CDC16: variants seen among roughly 807,000 people sequenced by gnomAD.
The protein encoded by CDC16 is cell division cycle 16.
Under a neutral mutation model 87.0 loss-of-function variants are expected in CDC16, and 34 were observed. The observed-to-expected ratio is 0.39, with a 90% CI of 0.30 to 0.52. The LOEUF (loss-of-function observed/expected upper bound fraction) is 0.52. Among genes scored for constraint, CDC16 ranks in the 20% least tolerant of loss-of-function variants. The probability of loss-of-function intolerance (pLI) is 0.74; values close to 1 mark genes in which losing one functional copy is unlikely to be tolerated. For synonymous variants in CDC16, 263 were observed against 260.6 expected (o/e 1.01, Z -0.09); for missense variants, 653 against 751.9 (o/e 0.87, Z 1.54).
Position 114,242,069 on chromosome 13 carries a change from A to C in CDC16, c.382-52A>C, listed in dbSNP as rs374744568. 1.6e-4 allele frequency: 254 copies of C among 1,544,168 alleles called. 1 individual carries two copies. In the African/African-American group the frequency reaches 2.9e-3, roughly 18 times the overall value. ...TCTGCCTCTAAGGAGAAAAAAAAAA[A>C]GTTAAGTTTAAAAGTACTGACTTAA... On this transcript the variant is annotated intron_variant, in intron 5 of 17. Coordinates refer to ENST00000356221, the MANE Select transcript of CDC16 (RefSeq NM_001078645.3).
At position 114,246,024 on chromosome 13, in the gene CDC16, TG is replaced by T; in HGVS notation, c.874del (p.Val292TrpfsTer47). On this transcript the variant is annotated frameshift_variant, in exon 10 of 18. Transcript: ENST00000356221. LOFTEE classifies it high-confidence loss of function. ...GAACTTTTCTATCTTTCTCATAAAC[TG>T]GTGGATTTATATCCTAGTAATCCTG... The part of the protein sequence containing the change: ...ANELFYLSHK[L>X]VDLYPSNPVS... 1 of 1,504,918 alleles carries T rather than the reference TG, an allele frequency of 6.6e-7. No individual in the cohort carries two copies. The highest frequency in any genetic ancestry group is 9.1e-7 in the Non-Finnish European group (1 of 1,095,212). The allele number at this position is 1,504,918 out of a possible 1,614,324, so 93.2% of individuals were successfully genotyped here.
chr13:114,251,770 TGAG>T (rs2082192488), intron 12 of CDC16, among the ~76,000 whole-genome samples: 1 of 152,230 alleles, frequency 6.6e-6, no homozygotes, highest in Non-Finnish European at 1.5e-5. Flanking sequence ...CAGTTCCTAT[TGAG>T]GAGTCTCTTC....
intron 9 of CDC16, 83 bp from the exon 10 acceptor site, chr13:114,245,917 G>T: frequency 4.1e-6 from 3 of 738,214 alleles, no homozygotes; most frequent in South Asian, 3.3e-5. Context: ...AGAATTATAT[G>T]ATTGTGAAGA....
At chr13:114,235,165 G>C in intron 1 of CDC16, 33 bp downstream of exon 1, 1 of 1,230,604 alleles carries the variant, frequency 8.1e-7, no homozygotes, top group Non-Finnish European at 1.0e-6. Flanking sequence ...GCGGGGCCCA[G>C]GCCTCGCCGG....
At chr13:114,259,734 TC>T (rs1438778007) in intron 14 of CDC16, among the ~76,000 whole-genome samples, 1 of 152,204 alleles carries the variant, frequency 6.6e-6, no homozygotes, top group African/African-American at 2.4e-5. Flanking sequence ...GATGTAATAT[TC>T]CTCTAGAACT....
Position 114,239,410 on chromosome 13 carries a change from A to G in CDC16, c.301A>G (p.Lys101Glu). The G allele has an allele frequency of 6.2e-7, 1 of 1,613,488 alleles. No individual in the cohort carries two copies. Among genetic ancestry groups the G allele is most frequent in the South Asian group, 1.1e-5 (1 of 91,022 alleles). ...TCTTGACATGGAAGAGCCCATCAAT[A>G]AAAGATTATTTGAAAAATACTTGAA... ...DVLDMEEPIN[K>E]RLFEKYLKDE... The change falls in exon 5 of 18, where the codon AAA becomes GAA. Residue 101 changes from lysine (K) to glutamate (E), a missense_variant. Coordinates refer to ENST00000356221, the MANE Select transcript of CDC16 (RefSeq NM_001078645.3).
chr13:114,248,939 A>C (rs1594595277), intron 11 of CDC16, among the ~76,000 whole-genome samples: 1 of 151,954 alleles, frequency 6.6e-6, no homozygotes, highest in East Asian at 1.9e-4. Flanking sequence ...CATTTTTGGC[A>C]CCAGGGACCA....
At chr13:114,242,053 A>G in intron 5 of CDC16, 68 bp from the exon 6 acceptor site, 3 of 1,519,760 alleles carry the variant, frequency 2.0e-6, no homozygotes, top group South Asian at 2.7e-5. Context: ...CTCTGCCTCT[A>G]AGGAGAAAAA....
chr13:114,254,864 A>G (rs549973857), intron 12 of CDC16, among the ~76,000 whole-genome samples: 3 of 152,128 alleles, frequency 2.0e-5, no homozygotes, highest in Non-Finnish European at 4.4e-5. Context: ...ATTAACATCA[A>G]ATGGACCTTC....
At chr13:114,267,818 C>T in intron 17 of CDC16, among the ~76,000 whole-genome samples, 1 of 147,466 alleles carries the variant, frequency 6.8e-6, no homozygotes, top group Non-Finnish European at 1.5e-5. Context: ...TCCTGTGTAA[C>T]CTCCCTTACT....
intron 14 of CDC16, among the ~76,000 whole-genome samples, chr13:114,260,805 G>T (rs975700770): frequency 1.3e-5 from 2 of 152,180 alleles, no homozygotes; most frequent in African/African-American, 4.8e-5. Flanking sequence ...ATTCACATGG[G>T]CTGTGCCTCC....
At position 114,265,055 on chromosome 13, in the gene CDC16, A is replaced by ACCCTGGATG. The variant is rs1288690105; in HGVS notation, c.1513-87_1513-79dup. 9 of 925,632 alleles carry ACCCTGGATG rather than the reference A, an allele frequency of 9.7e-6. No individual in the cohort carries two copies. In the Admixed American group the frequency reaches 1.2e-4, roughly 12 times the overall value. 57.3% of individuals were successfully genotyped at this position (925,632 alleles called of 1,614,324 possible). A position where few individuals can be genotyped will look rare whatever the true frequency, so the allele number is the denominator to read the frequency against. ...GTAGCTATGTCTGGCCACTTCCCCC[A>ACCCTGGATG]CCCTGGATGCCCTGGAATATTTTGA... is the stretch of plus-strand genomic sequence containing the variant. On this transcript the variant is annotated intron_variant, in intron 16 of 17. Transcript: ENST00000356221.
Position 114,245,976 on chromosome 13 carries a change from C to A in CDC16, c.848-24C>A, listed in dbSNP as rs897602997. ...ATTACATGTGATACGAACAATTGTTCTTTTTCTGCTTTTTCCTGAACAGAA... is the reference window on the plus strand; with the variant it reads ...ATTACATGTGATACGAACAATTGTTATTTTTCTGCTTTTTCCTGAACAGAA... On this transcript the variant is annotated intron_variant, in intron 9 of 17. Coordinates refer to ENST00000356221, the MANE Select transcript of CDC16 (RefSeq NM_001078645.3). The A allele has an allele frequency of 2.9e-6, 4 of 1,371,898 alleles. No homozygotes were observed. The South Asian group carries it at 5.0e-5, about 17-fold the overall frequency. 85.0% of individuals were successfully genotyped at this position (1,371,898 alleles called of 1,614,324 possible). A position where few individuals can be genotyped will look rare whatever the true frequency, so the allele number is the denominator to read the frequency against.
chr13:114,253,192 T>C (rs1566661679), intron 12 of CDC16, among the ~76,000 whole-genome samples: 1 of 152,226 alleles, frequency 6.6e-6, no homozygotes, highest in African/African-American at 2.4e-5. Context: ...AACTTGTCTG[T>C]GTTTGGATAA....
chr13:114,248,789 G>A (rs941042880), intron 11 of CDC16, among the ~76,000 whole-genome samples: 4 of 152,116 alleles, frequency 2.6e-5, no homozygotes, highest in Admixed American at 2.0e-4. Flanking sequence ...AAACTAGAAT[G>A]TTCCCTGGTT....
intron 11 of CDC16, among the ~76,000 whole-genome samples, chr13:114,248,647 C>T (rs1187172520): frequency 6.6e-6 from 1 of 151,962 alleles, no homozygotes; most frequent in Non-Finnish European, 1.5e-5. Flanking sequence ...CACTACTGCA[C>T]TCCAGCCTCG....
chr13:114,237,044 G>GGGTT, intron 3 of CDC16, 148 bp downstream of exon 3: 1 of 490,900 alleles, frequency 2.0e-6, no homozygotes, highest in Non-Finnish European at 3.5e-6. Context: ...GACCAAGATG[G>GGGTT]TGAAACCCCA....
At chr13:114,235,296 G>A (rs899995669) in intron 1 of CDC16, among the ~76,000 whole-genome samples, 164 bp downstream of exon 1, 3 of 152,170 alleles carry the variant, frequency 2.0e-5, no homozygotes, top group African/African-American at 7.2e-5. Flanking sequence ...TCGCCCAGAA[G>A]GGAGCGGTCC....
rs12583993 is a variant in CDC16, at chr13:114,250,740, A to G, written c.1097+66A>G. 7.4e-3 allele frequency: 10,990 copies of G among 1,475,764 alleles called. 756 individuals are homozygous for G. The Admixed American group carries it at 0.14, about 18-fold the overall frequency. The allele number at this position is 1,475,764 out of a possible 1,614,324, so 91.4% of individuals were successfully genotyped here. ...TTTTCCTAATAGAAATGAAATTTCTATTACTATTACTGCTATTTGGTTGCT... is the reference window on the plus strand; with the variant it reads ...TTTTCCTAATAGAAATGAAATTTCTGTTACTATTACTGCTATTTGGTTGCT... On this transcript the variant is annotated intron_variant, in intron 12 of 17. Transcript: ENST00000356221.
Sources: allele counts gnomAD v4.1 joint callset (sites outside exome capture counted in the v4.1 genomes callset), GRCh38; gene constraint gnomAD v4.1.1; transcripts MANE v1.5; gene names NCBI Gene and HGNC (gene_info 2026-07-23, HGNC 2026-07-21).